BIN2: variants seen among roughly 807,000 people sequenced by gnomAD.
The protein encoded by BIN2 is bridging integrator 2, also known as breast cancer associated protein BRAP1.
In BIN2, 43 loss-of-function variants were observed where a neutral mutation model predicts 67.9. That is an observed-to-expected ratio of 0.63 (90% confidence interval 0.50 to 0.82). The LOEUF (loss-of-function observed/expected upper bound fraction) is 0.82, where lower values mean the gene tolerates loss of function less well. Ranked by LOEUF, BIN2 falls within the 40% of genes least tolerant of loss-of-function variation. The probability of loss-of-function intolerance (pLI) is 0.00; values close to 1 mark genes in which losing one functional copy is unlikely to be tolerated. For synonymous variants in BIN2, 244 were observed against 246.8 expected, an observed-to-expected ratio of 0.99 and a Z score of 0.11; for missense variants, 581 against 671.6, an observed-to-expected ratio of 0.87 and a Z score of 1.49.
At chr12:51,296,802 C>T (rs1460993557) in intron 8 of BIN2, among the ~76,000 whole-genome samples, 1 of 152,124 alleles carries the variant, frequency 6.6e-6, no homozygotes, top group African/African-American at 2.4e-5. Context: ...TGGGGTTCCC[C>T]ATTTTAATTT....
intron 1 of BIN2, chr12:51,322,607 GT>G (rs11299084): frequency 0.54 from 80,174 of 147,350 alleles, 21,573 homozygotes; most frequent in Non-Finnish European, 0.57. Flanking sequence ...GTCTTTTAGG[GT>G]TTTTTTTTTT....
chr12:51,304,585 C>G (rs2137405380), intron 2 of BIN2, among the ~76,000 whole-genome samples: 1 of 152,324 alleles, frequency 6.6e-6, no homozygotes, highest in East Asian at 1.9e-4. Flanking sequence ...GCCTACAGAT[C>G]AGAACAGACC....
rs574310741 is a variant in BIN2, at chr12:51,298,009, G to C, written c.603-845C>G. On this transcript the variant is annotated intron_variant, in intron 7 of 12. Transcript: ENST00000615107. ...GCCTGTAATCCCAGCACTTTGGGAG[G>C]CTGGGGCAGGTAGATCACCTGAGGT... is the stretch of plus-strand genomic sequence containing the variant. Among the ~76,000 whole-genome samples, 5 of 152,244 alleles carry C rather than the reference G, an allele frequency of 3.3e-5. No homozygotes were observed. The South Asian group carries it at 1.0e-3, about 32-fold the overall frequency.
chr12:51,298,548 A>T (rs1043595933), intron 7 of BIN2, among the ~76,000 whole-genome samples: 5 of 151,878 alleles, frequency 3.3e-5, no homozygotes, highest in African/African-American at 7.2e-5. Context: ...CAAAATAAAT[A>T]AATTAATTAA....
At chr12:51,321,935 T>C (rs1475222637) in intron 1 of BIN2, among the ~76,000 whole-genome samples, 2 of 152,242 alleles carry the variant, frequency 1.3e-5, no homozygotes, top group South Asian at 2.1e-4. Context: ...CTGACGGAGC[T>C]GAGCTCCCTT....
intron 12 of BIN2, among the ~76,000 whole-genome samples, chr12:51,283,806 C>T (rs912722010): frequency 1.3e-4 from 20 of 151,916 alleles, no homozygotes; most frequent in Admixed American, 5.3e-4. Flanking sequence ...ACCAGCCTGA[C>T]CAACATGGAG....
At chr12:51,295,575 AAAATAT>A (rs1565675974) in intron 9 of BIN2, among the ~76,000 whole-genome samples, 8 of 18,268 alleles carry the variant, frequency 4.4e-4, no homozygotes, top group East Asian at 4.4e-3. Flanking sequence ...AAAAAAAAAA[AAAATAT>A]ATATATATAT....
chr12:51,291,534 C>T, intron 10 of BIN2, 57 bp downstream of exon 10: 3 of 1,493,864 alleles, frequency 2.0e-6, no homozygotes, highest in Non-Finnish European at 2.7e-6. Flanking sequence ...CTGAGTGAGA[C>T]CCTAGCTTAA....
Position 51,309,331 on chromosome 12 carries a change from C to T in BIN2, c.162+4492G>A, listed in dbSNP as rs375388035. Among the ~76,000 whole-genome samples the T allele has an allele frequency of 5.3e-4, 81 of 152,294 alleles. 1 individual carries two copies. In the Middle Eastern group the frequency reaches 0.01, roughly 19 times the overall value. On this transcript the variant is annotated intron_variant, in intron 2 of 12. Coordinates refer to ENST00000615107, the MANE Select transcript of BIN2 (RefSeq NM_016293.4). ...TGCCACCCCAGGTCCCCAGGTCAGA[C>T]GTGACTGTATTGTCACTGTCTTCCT...
At chr12:51,318,879 C>T (rs1946198002) in intron 1 of BIN2, among the ~76,000 whole-genome samples, 1 of 152,162 alleles carries the variant, frequency 6.6e-6, no homozygotes, top group Non-Finnish European at 1.5e-5. Context: ...TGCTCCCTTG[C>T]CTGTAAATGC....
In BIN2 at chr12:51,291,952, G is replaced by A. The variant is rs1337264094; in HGVS notation, c.1154C>T (p.Thr385Ile). ...GGTGCGGGTTCGGAGGACTACTTCT[G>A]TGGCAGATGATGAAGGCTGCCCTGA... is the stretch of plus-strand genomic sequence containing the variant. ...SPSGQPSSSA[T>I]EVVLRTRTAS... The change falls in exon 10 of 13, where the codon ACA (threonine) becomes ATA (isoleucine). Residue 385 changes from threonine to isoleucine, a missense_variant. By Grantham distance (89) the Thr-to-Ile change is moderately conservative. Transcript: ENST00000615107. 4 of 1,614,228 alleles carry A rather than the reference G, an allele frequency of 2.5e-6. No homozygotes were observed. The highest frequency in any genetic ancestry group is 1.1e-5 in the South Asian group (1 of 91,078).
chr12:51,299,022 G>C (rs1319062325), intron 7 of BIN2, among the ~76,000 whole-genome samples, 181 bp downstream of exon 7: 5 of 150,300 alleles, frequency 3.3e-5, no homozygotes, highest in Non-Finnish European at 7.4e-5. Context: ...GCAGTGAGCT[G>C]AGATTGAGTG....
In BIN2 at chr12:51,281,482, G is replaced by T; in HGVS notation, c.*17C>A. 6.2e-7 allele frequency: 1 copy of T among 1,613,320 alleles called. No homozygotes were observed. The highest frequency in any genetic ancestry group is 1.1e-5 in the South Asian group (1 of 91,064). On this transcript the variant is annotated 3_prime_UTR_variant, in exon 13 of 13. Transcript: ENST00000615107. ...TCTGGCGAGGTTTGGGGCAGGAGGA[G>T]TCTTGGTAGTTTCTCTTCAGAGTTG...
At chr12:51,289,746 A>C (rs1398191290) in intron 10 of BIN2, among the ~76,000 whole-genome samples, 3 of 151,800 alleles carry the variant, frequency 2.0e-5, no homozygotes, top group African/African-American at 7.3e-5. Flanking sequence ...ATAGGGTCTC[A>C]CTCTGGTGCC....
At chr12:51,323,516 A>T (rs951908618) in intron 1 of BIN2, among the ~76,000 whole-genome samples, 2 of 150,896 alleles carry the variant, frequency 1.3e-5, no homozygotes, top group Non-Finnish European at 2.9e-5. Context: ...CCCAGAGGCC[A>T]GGCAGGGTCA....
chr12:51,322,604 A>AG (rs1946314732), intron 1 of BIN2: 1 of 101,948 alleles, frequency 9.8e-6, no homozygotes, highest in Admixed American at 1.1e-4. Flanking sequence ...TTTGTCTTTT[A>AG]GGGTTTTTTT....
At chr12:51,324,312 A>C, upstream of BIN2, 1 of 1,352,580 alleles carries the variant, frequency 7.4e-7, no homozygotes, top group Non-Finnish European at 9.7e-7. Flanking sequence ...CCCGGGGCCT[A>C]CCCTCAGGCA....
intron 5 of BIN2, among the ~76,000 whole-genome samples, chr12:51,299,987 T>A (rs1945680092): frequency 6.6e-6 from 1 of 152,074 alleles, no homozygotes; most frequent in Admixed American, 6.6e-5. Flanking sequence ...TATAGGCATG[T>A]GCACCAAGCC....
chr12:51,281,311 G>T lies in BIN2; in HGVS notation c.*188C>A. ...TCTAATGTTCTCTTCTCCCCAGCCT[G>T]CCTCCCTCCATCCCTCCCGTAAGGC... On this transcript the variant is annotated 3_prime_UTR_variant, in exon 13 of 13. Coordinates refer to ENST00000615107, the MANE Select transcript of BIN2 (RefSeq NM_016293.4). The T allele has an allele frequency of 3.3e-6, 2 of 615,258 alleles. No individual in the cohort carries two copies. Among genetic ancestry groups the T allele is most frequent in the Non-Finnish European group, 5.9e-6 (2 of 337,814 alleles). The allele number at this position is 615,258 out of a possible 1,614,324, so 38.1% of individuals were successfully genotyped here.
Sources: gnomAD v4.1 joint callset for allele counts (sites outside exome capture counted in the v4.1 genomes callset) on GRCh38, gnomAD v4.1.1 for gene constraint, MANE v1.5 for transcripts, NCBI Gene and HGNC (gene_info 2026-07-23, HGNC 2026-07-21) for gene names.